PLA1A: variants seen among roughly 807,000 people sequenced by gnomAD.
PLA1A encodes phospholipase A1 member A, also known as phosphatidylserine-specific phospholipase A1alpha.
A neutral mutation model predicts 49.4 loss-of-function variants in PLA1A; 47 were observed. The observed-to-expected ratio is 0.95, with a 90% confidence interval of 0.75 to 1.21. The LOEUF is 1.21. Ranked by LOEUF, PLA1A falls within the 50% of genes most tolerant of loss-of-function variation. The pLI, the probability that PLA1A is intolerant of heterozygous loss-of-function variation, is 0.00. For synonymous variants in PLA1A, 224 were observed against 207.9 expected (o/e 1.08, Z -0.67); for missense variants, 561 against 563.9 (o/e 0.99, Z 0.05).
At chr3:119,608,055 T>G (rs1273692006) in intron 2 of PLA1A, among the ~76,000 whole-genome samples, 2 of 152,270 alleles carry the variant, frequency 1.3e-5, no homozygotes, top group East Asian at 3.9e-4. Context: ...AGGGACTATA[T>G]CTTATTTGTC....
At chr3:119,624,163 G>A (rs568487252) in intron 8 of PLA1A, among the ~76,000 whole-genome samples, 7 of 152,260 alleles carry the variant, frequency 4.6e-5, no homozygotes, top group East Asian at 1.9e-4. Context: ...TCAAGGCGCC[G>A]GCACTCCATG....
intron 9 of PLA1A, 52 bp from the exon 10 acceptor site, chr3:119,628,648 TA>T (rs1489971089): frequency 1.3e-6 from 2 of 1,555,608 alleles, no homozygotes; most frequent in Non-Finnish European, 1.8e-6. Context: ...AAAGGGGAAG[TA>T]CAGGTGGTAA....
At chr3:119,625,344 C>T in intron 9 of PLA1A, 112 bp downstream of exon 9, 1 of 695,894 alleles carries the variant, frequency 1.4e-6, no homozygotes, top group East Asian at 2.8e-5. Context: ...ATGCATGGGC[C>T]CAGCCGGCTT....
At position 119,612,768 on chromosome 3, in the gene PLA1A, G is replaced by GT. The variant is rs569460538; in HGVS notation, c.563-248dup. Among the ~76,000 whole-genome samples, 6 of 152,284 alleles carry GT rather than the reference G, an allele frequency of 3.9e-5. No homozygotes were observed. In the East Asian group the frequency reaches 1.2e-3, roughly 29 times the overall value. On this transcript the variant is annotated intron_variant, in intron 4 of 10. Coordinates refer to ENST00000273371, the MANE Select transcript of PLA1A (RefSeq NM_015900.4). ...CTCCCAAAGTGCTGGGATTACAGGC[G>GT]TGAGTCACCGCGCCCAGCCTCAAGC...
chr3:119,610,632 T>C (rs994902386), intron 4 of PLA1A, among the ~76,000 whole-genome samples: 4 of 152,232 alleles, frequency 2.6e-5, no homozygotes, highest in African/African-American at 9.6e-5. Context: ...TCTTTTCATG[T>C]CCTTCACCCT....
At position 119,608,871 on chromosome 3, in the gene PLA1A, C is replaced by T. The variant is rs2082729646; in HGVS notation, c.377C>T (p.Thr126Ile). ...VIAVDWIYGS[T>I]GVYFSAVKNV... ...GCCGTGGACTGGATTTATGGGTCTA[C>T]AGGAGTCTACTTCTCAGCTGTGAAA... Residue 126 changes from threonine (T) to isoleucine (I), a missense_variant, in exon 3 of 11, where the codon ACA (threonine) becomes ATA (isoleucine). By Grantham distance (89) the Thr-to-Ile change is moderately conservative. Coordinates refer to ENST00000273371, the MANE Select transcript of PLA1A (RefSeq NM_015900.4). 2 of 1,613,708 alleles carry T rather than the reference C, an allele frequency of 1.2e-6. No individual in the cohort carries two copies. Among genetic ancestry groups the T allele is most frequent in the Non-Finnish European group, 1.7e-6 (2 of 1,179,710 alleles).
At chr3:119,626,535 G>T (rs1038467114) in intron 9 of PLA1A, among the ~76,000 whole-genome samples, 7 of 152,176 alleles carry the variant, frequency 4.6e-5, no homozygotes, top group Non-Finnish European at 1.0e-4. Flanking sequence ...TGTGAGGCTG[G>T]AGAGGCAAGT....
At chr3:119,598,649 C>T (rs1387373640) in intron 1 of PLA1A, 1 of 152,188 alleles carries the variant, frequency 6.6e-6, no homozygotes, top group Non-Finnish European at 1.5e-5. Flanking sequence ...TTAGAAAAAT[C>T]CCCTCCCTCT....
intron 8 of PLA1A, chr3:119,620,224 C>T (rs750947916): frequency 2.7e-5 from 12 of 449,204 alleles, no homozygotes; most frequent in Non-Finnish European, 5.4e-5. Flanking sequence ...CTTCCCTATG[C>T]TATGTGCATC....
rs763374322 is a variant in PLA1A at position 119,629,390 on chromosome 3, G to C, written c.1293G>C (p.Lys431Asn). 2 of 1,600,540 alleles carry C rather than the reference G, an allele frequency of 1.2e-6. No individual in the cohort carries two copies. The highest frequency in any genetic ancestry group is 1.7e-4 in the Middle Eastern group (1 of 6,040). The change falls in exon 11 of 11, where the codon AAG becomes AAC. Residue 431 changes from lysine (K) to asparagine (N), a missense_variant. By Grantham distance (94) the Lys-to-Asn change is moderately conservative. Transcript: ENST00000273371. The stretch of plus-strand genomic sequence containing the variant: ...TATTGCTCTTCTCTTCCAGAGAAAA[G>C]ATGGTCTGCTTACCTGAACCAGTGA... ...TALLPVNDRE[K>N]MVCLPEPVNL...
At chr3:119,601,231 A>G (rs1015355016) in intron 1 of PLA1A, among the ~76,000 whole-genome samples, 2 of 152,242 alleles carry the variant, frequency 1.3e-5, no homozygotes, top group Non-Finnish European at 2.9e-5. Flanking sequence ...ATACCGATCT[A>G]CAGAACACAC....
In PLA1A at chr3:119,628,749, A is replaced by T; in HGVS notation, c.1170A>T (p.Pro390=). 2 of 1,614,146 alleles carry T rather than the reference A, an allele frequency of 1.2e-6. No homozygotes were observed. The change falls in exon 10 of 11, where the codon CCA becomes CCT. Residue 390 remains proline (P), a synonymous_variant. Coordinates refer to ENST00000273371, the MANE Select transcript of PLA1A (RefSeq NM_015900.4). ...AAGGAATCATAGCCCATGCCACCCC[A>T]CAATGCCAGATAAACCAAGTGAAAT... The part of the protein sequence containing the change: ...YGKGIIAHAT[P]QCQINQVKFK...
chr3:119,612,542 G>C (rs958106527), intron 4 of PLA1A, among the ~76,000 whole-genome samples: 3 of 151,898 alleles, frequency 2.0e-5, no homozygotes, highest in Admixed American at 2.0e-4. Flanking sequence ...AGGCTGGAGT[G>C]CAGTGGCGCG....
At chr3:119,628,225 G>A (rs1356830275) in intron 9 of PLA1A, among the ~76,000 whole-genome samples, 2 of 152,234 alleles carry the variant, frequency 1.3e-5, no homozygotes, top group Non-Finnish European at 2.9e-5. Flanking sequence ...AGACAAACCT[G>A]GGTTCCACCC....
chr3:119,607,198 ACACT>A, intron 2 of PLA1A: 1 of 552,772 alleles, frequency 1.8e-6, no homozygotes, highest in Non-Finnish European at 3.3e-6. Flanking sequence ...TCTTGTCTAC[ACACT>A]CACGAACAGT....
intron 5 of PLA1A, among the ~76,000 whole-genome samples, chr3:119,615,092 G>C (rs945840200): frequency 1.3e-5 from 2 of 152,246 alleles, no homozygotes; most frequent in African/African-American, 4.8e-5. Flanking sequence ...ATAGGTCATT[G>C]CTTAACCTCC....
At chr3:119,605,038 A>G (rs1233076038) in intron 1 of PLA1A, among the ~76,000 whole-genome samples, 3 of 152,232 alleles carry the variant, frequency 2.0e-5, no homozygotes, top group Admixed American at 6.5e-5. Flanking sequence ...GCTGCCCTAT[A>G]TGAACAATAG....
intron 8 of PLA1A, among the ~76,000 whole-genome samples, chr3:119,622,935 T>A (rs973264044): frequency 1.3e-5 from 2 of 152,146 alleles, no homozygotes; most frequent in Non-Finnish European, 2.9e-5. Flanking sequence ...CAAGCAATTC[T>A]TCTGCCTCAG....
At chr3:119,629,324 C>T in intron 10 of PLA1A, 60 bp from the exon 11 acceptor site, 1 of 962,872 alleles carries the variant, frequency 1.0e-6, no homozygotes, top group South Asian at 1.3e-5. Flanking sequence ...TCAAAAGCCA[C>T]ACAATGCCAA....
Sources: gnomAD v4.1 joint callset for allele counts (sites outside exome capture counted in the v4.1 genomes callset) on GRCh38, gnomAD v4.1.1 for gene constraint, MANE v1.5 for transcripts, NCBI Gene and HGNC (gene_info 2026-07-23, HGNC 2026-07-21) for gene names.